The following NDUFAF6 variants were observed in gnomAD, a reference collection of about 807,000 sequenced individuals.
NDUFAF6 encodes the protein NADH:ubiquinone oxidoreductase complex assembly factor 6, also known as NADH dehydrogenase (ubiquinone) complex I, assembly factor 6.
Under a neutral mutation model 40.8 loss-of-function variants are expected in NDUFAF6, and 45 were observed. That is an observed-to-expected ratio of 1.10 (90% CI 0.87 to 1.42). The LOEUF is 1.42. Ranked by LOEUF, NDUFAF6 falls within the 40% of genes most tolerant of loss-of-function variation. The probability of loss-of-function intolerance (pLI) is 0.00; values close to 1 mark genes in which losing one functional copy is unlikely to be tolerated. For missense variants in NDUFAF6, 435 were observed against 418.5 expected, an observed-to-expected ratio of 1.04 and a Z score of -0.34; for synonymous variants, 185 against 155.9, an observed-to-expected ratio of 1.19 and a Z score of -1.39.
chr8:94,941,028 CAG>C, intron 1 of NDUFAF6: 1 of 964,732 alleles, frequency 1.0e-6, no homozygotes, highest in Non-Finnish European at 1.6e-6. Context: ...ATGGTACCGA[CAG>C]GAGATTAAAG....
At chr8:95,062,865 G>C (rs1587214937), downstream of NDUFAF6, among the ~76,000 whole-genome samples, 1 of 152,304 alleles carries the variant, frequency 6.6e-6, no homozygotes, top group East Asian at 1.9e-4. Flanking sequence ...ACATGCTGTA[G>C]TATAATGTGG....
At chr8:94,959,197 A>G (rs1009184626) in intron 1 of NDUFAF6, among the ~76,000 whole-genome samples, 2 of 152,232 alleles carry the variant, frequency 1.3e-5, no homozygotes, top group African/African-American at 4.8e-5. Flanking sequence ...GACCTCAGGA[A>G]TCCTCACTCT....
At chr8:94,961,393 T>G (rs1013385095) in intron 1 of NDUFAF6, among the ~76,000 whole-genome samples, 17 of 152,236 alleles carry the variant, frequency 1.1e-4, no homozygotes, top group Admixed American at 3.3e-4. Context: ...TCACAACAAT[T>G]CAGAGAATGA....
intron 3 of NDUFAF6, among the ~76,000 whole-genome samples, chr8:95,039,024 T>C (rs1384456095): frequency 6.6e-6 from 1 of 151,564 alleles, no homozygotes; most frequent in Non-Finnish European, 1.5e-5. Context: ...TTGCTCAGAC[T>C]GGAGTGGAGT....
chr8:95,016,707 A>T (rs920156734), intron 2 of NDUFAF6, among the ~76,000 whole-genome samples: 1 of 152,132 alleles, frequency 6.6e-6, no homozygotes, highest in Non-Finnish European at 1.5e-5. Flanking sequence ...GCGCCATTGC[A>T]CTCCAGCCTG....
At chr8:95,065,055 C>G (rs1001404137) in intron 9 of NDUFAF6, among the ~76,000 whole-genome samples, 1 of 152,232 alleles carries the variant, frequency 6.6e-6, no homozygotes, top group East Asian at 1.9e-4. Flanking sequence ...CTTCATGCCC[C>G]TTCCCCCATA....
At chr8:94,959,204 C>T (rs559969511) in intron 1 of NDUFAF6, among the ~76,000 whole-genome samples, 2 of 152,336 alleles carry the variant, frequency 1.3e-5, no homozygotes, top group African/African-American at 4.8e-5. Context: ...GGAATCCTCA[C>T]TCTGAGACTC....
At chr8:94,986,964 AT>A (rs573752842) in intron 2 of NDUFAF6, among the ~76,000 whole-genome samples, 199 of 151,746 alleles carry the variant, frequency 1.3e-3, no homozygotes, top group Non-Finnish European at 2.5e-3. Flanking sequence ...TAAAACTGGG[AT>A]TTTTTTTTCA....
At chr8:95,043,730 A>G (rs961752867) in intron 4 of NDUFAF6, among the ~76,000 whole-genome samples, 8 of 152,228 alleles carry the variant, frequency 5.3e-5, no homozygotes, top group Non-Finnish European at 8.8e-5. Flanking sequence ...AAGATGCACG[A>G]TAACAAGTAT....
chr8:95,116,250 G>GT (rs879850841), intron 5 of NDUFAF6: 4,656 of 143,308 alleles, frequency 0.032, 142 homozygotes, highest in African/African-American at 0.083. Context: ...AGTTTTTAAA[G>GT]TTTTTTTTTT....
At chr8:95,087,231 C>G (rs1250388994) in intron 2 of NDUFAF6, among the ~76,000 whole-genome samples, 1 of 152,200 alleles carries the variant, frequency 6.6e-6, no homozygotes, top group Non-Finnish European at 1.5e-5. Flanking sequence ...ACTTTTCATA[C>G]TTGCATCTTC....
intron 2 of NDUFAF6, among the ~76,000 whole-genome samples, chr8:95,005,353 G>C (rs540036123): frequency 2.4e-4 from 36 of 151,544 alleles, no homozygotes; most frequent in Non-Finnish European, 4.4e-4. Context: ...ACAAGCCATT[G>C]GTTACCTGTG....
At chr8:95,091,740 A>G (rs1809258160) in intron 2 of NDUFAF6, among the ~76,000 whole-genome samples, 1 of 150,636 alleles carries the variant, frequency 6.6e-6, no homozygotes. Flanking sequence ...CTTGGGTTCA[A>G]GCGATCCCCC....
chr8:94,924,867 C>T (rs1369335181), intron 1 of NDUFAF6, among the ~76,000 whole-genome samples: 3 of 152,192 alleles, frequency 2.0e-5, no homozygotes, highest in Non-Finnish European at 4.4e-5. Flanking sequence ...CTCAGCCTCC[C>T]GAGGAGCTGG....
At chr8:95,092,706 T>A (rs1001231906) in intron 2 of NDUFAF6, among the ~76,000 whole-genome samples, 5 of 150,374 alleles carry the variant, frequency 3.3e-5, no homozygotes, top group African/African-American at 7.3e-5. Flanking sequence ...TGCCTCAGCC[T>A]CCTGAGTAGC....
downstream of NDUFAF6, among the ~76,000 whole-genome samples, chr8:95,079,710 T>A (rs979536360): frequency 2.9e-5 from 3 of 102,204 alleles, no homozygotes; most frequent in Non-Finnish European, 5.8e-5. Flanking sequence ...TCATTTTAAT[T>A]TTTTTAGACT....
At chr8:94,903,676 C>T (rs1367125546) in intron 1 of NDUFAF6, among the ~76,000 whole-genome samples, 3 of 152,072 alleles carry the variant, frequency 2.0e-5, no homozygotes, top group African/African-American at 2.4e-5. Context: ...ATTTGTATTT[C>T]CTTAAAAGCA....
intron 1 of NDUFAF6, among the ~76,000 whole-genome samples, chr8:94,931,578 CAT>C (rs1244170889): frequency 9.2e-6 from 1 of 108,438 alleles, no homozygotes; most frequent in Non-Finnish European, 1.8e-5. Context: ...AGGAAACACA[CAT>C]ATTTATTACA....
At chr8:95,088,084 G>A (rs1208142677) in intron 2 of NDUFAF6, among the ~76,000 whole-genome samples, 4 of 152,158 alleles carry the variant, frequency 2.6e-5, no homozygotes, top group Non-Finnish European at 4.4e-5. Flanking sequence ...CCACCTGCTC[G>A]CCACCCCCAT....
Sources: gnomAD v4.1 joint callset for allele counts (sites outside exome capture counted in the v4.1 genomes callset) on GRCh38, gnomAD v4.1.1 for gene constraint, MANE v1.5 for transcripts, NCBI Gene and HGNC (gene_info 2026-07-23, HGNC 2026-07-21) for gene names.